SLC11A2: variants seen among roughly 807,000 people sequenced by gnomAD.
The protein encoded by SLC11A2 is natural resistance-associated macrophage protein 2.
A neutral mutation model predicts 68.0 loss-of-function variants in SLC11A2; 38 were observed. That is an observed-to-expected ratio of 0.56 (90% CI 0.43 to 0.73). The LOEUF (loss-of-function observed/expected upper bound fraction) is 0.73, where lower values mean the gene tolerates loss of function less well. SLC11A2 is among the 30% of genes least tolerant of loss of function. SLC11A2 has a pLI of 0.00. For missense variants in SLC11A2, 517 were observed against 690.5 expected, an observed-to-expected ratio of 0.75 and a Z score of 2.82; for synonymous variants, 242 against 250.6, an observed-to-expected ratio of 0.97 and a Z score of 0.32.
intron 14 of SLC11A2, 37 bp downstream of exon 14, chr12:50,991,562 C>G (rs752436666): frequency 6.5e-7 from 1 of 1,546,560 alleles, no homozygotes; most frequent in Non-Finnish European, 8.9e-7. Flanking sequence ...TTCCCCATAT[C>G]AGCATCCCCT....
At chr12:51,011,021 T>A (rs1943173870) in intron 1 of SLC11A2, among the ~76,000 whole-genome samples, 1 of 152,202 alleles carries the variant, frequency 6.6e-6, no homozygotes, top group Non-Finnish European at 1.5e-5. Flanking sequence ...TCTTTTAGAA[T>A]GTGTCTAGCA....
At position 50,986,778 on chromosome 12, in the gene SLC11A2, T is replaced by A; in HGVS notation, c.*1547A>T. The A allele has an allele frequency of 7.8e-7, 1 of 1,287,152 alleles. No individual in the cohort carries two copies. The highest frequency in any genetic ancestry group is 1.0e-6 in the Non-Finnish European group (1 of 988,680). 79.7% of individuals were successfully genotyped at this position (1,287,152 alleles called of 1,614,324 possible). On this transcript the variant is annotated 3_prime_UTR_variant, in exon 16 of 16. Transcript: ENST00000262052. ...ATTACTTGAGGGGCTAAGAAAAATG[T>A]ATGGTCAGTGAAACACAGTAGTGTA...
At chr12:50,956,954 C>A in the SLC11A2 span, among the ~76,000 whole-genome samples, 1 of 151,752 alleles carries the variant, frequency 6.6e-6, no homozygotes. Flanking sequence ...CAGGGTTTTA[C>A]CTGTTTCCTC....
chr12:51,009,403 A>G, intron 2 of SLC11A2: 2 of 777,180 alleles, frequency 2.6e-6, no homozygotes, highest in Non-Finnish European at 3.4e-6. Context: ...GAGAAAAGGG[A>G]TACCCTGCCA....
At chr12:50,989,414 C>T (rs992517314) in intron 15 of SLC11A2, among the ~76,000 whole-genome samples, 7 of 152,248 alleles carry the variant, frequency 4.6e-5, no homozygotes, top group African/African-American at 1.7e-4. Context: ...TCACTTGAAC[C>T]CAGGAGGCAG....
chr12:51,018,902 G>A (rs1295689308), intron 1 of SLC11A2, among the ~76,000 whole-genome samples: 1 of 152,174 alleles, frequency 6.6e-6, no homozygotes, highest in Non-Finnish European at 1.5e-5. Context: ...AAAATTAATT[G>A]TAGGTTTAGA....
downstream of SLC11A2, chr12:50,981,326 CTGATA>C (rs1035541441): frequency 2.6e-5 from 4 of 152,644 alleles, no homozygotes; most frequent in African/African-American, 9.7e-5. Flanking sequence ...AAACAAATAT[CTGATA>C]TATCAAAACA....
chr12:51,005,218 C>T (rs887336595), intron 4 of SLC11A2, 93 bp downstream of exon 4: 93 of 1,338,098 alleles, frequency 7.0e-5, no homozygotes, highest in Middle Eastern at 1.8e-4. Context: ...CTGCATGTAG[C>T]CCCTGAGGCT....
Position 50,986,489 on chromosome 12 carries a change from C to T in SLC11A2, c.*1836G>A, listed in dbSNP as rs975276787. On this transcript the variant is annotated 3_prime_UTR_variant, in exon 16 of 16. Coordinates refer to ENST00000262052, the MANE Select transcript of SLC11A2 (RefSeq NM_000617.3). ...ATACTAGCAGCTTTTACCTAGGCTC[C>T]TAAATGCTTGTAAATCTGAGACTGA... 3.4e-5 allele frequency: 44 copies of T among 1,285,642 alleles called. No individual in the cohort carries two copies. Among genetic ancestry groups the T allele is most frequent in the Admixed American group, 4.6e-5 (2 of 43,508 alleles). 79.6% of individuals were successfully genotyped at this position (1,285,642 alleles called of 1,614,324 possible).
In SLC11A2 at chr12:50,990,968, A is replaced by G. The variant is rs1941091267; in HGVS notation, c.1422-20T>C. The G allele has an allele frequency of 3.7e-6, 6 of 1,612,838 alleles. No homozygotes were observed. Among genetic ancestry groups the G allele is most frequent in the Non-Finnish European group, 4.2e-6 (5 of 1,178,850 alleles). On this transcript the variant is annotated intron_variant, in intron 14 of 15. Coordinates refer to ENST00000262052, the MANE Select transcript of SLC11A2 (RefSeq NM_000617.3). ...CAGCCTCTGTAAAAGAAATCAGCACAGTCACTGATGGAATAATCCAACTTG... is the reference window on the plus strand; with the variant it reads ...CAGCCTCTGTAAAAGAAATCAGCACGGTCACTGATGGAATAATCCAACTTG...
At chr12:51,005,733 A>G in intron 3 of SLC11A2, 2 of 1,278,958 alleles carry the variant, frequency 1.6e-6, no homozygotes, top group Non-Finnish European at 2.0e-6. Context: ...CCCAAAAAGG[A>G]CAAGAGCCAC....
At chr12:50,966,679 G>C in the SLC11A2 span, among the ~76,000 whole-genome samples, 1 of 152,176 alleles carries the variant, frequency 6.6e-6, no homozygotes, top group African/African-American at 2.4e-5. Flanking sequence ...GTCATTCTCA[G>C]ACAGGATGGA....
the SLC11A2 span, among the ~76,000 whole-genome samples, chr12:50,953,066 G>A: frequency 6.6e-6 from 1 of 152,078 alleles, no homozygotes; most frequent in Non-Finnish European, 1.5e-5. Flanking sequence ...TTCTAGCAGG[G>A]TGCTGGAAAT....
intron 3 of SLC11A2, chr12:51,005,913 G>C (rs1942680754): frequency 2.9e-6 from 1 of 341,232 alleles, no homozygotes; most frequent in Non-Finnish European, 5.7e-6. Context: ...TGAAAAACTA[G>C]TTCAGGCCAT....
chr12:51,007,119 T>C (rs960305851), intron 3 of SLC11A2, among the ~76,000 whole-genome samples: 1 of 152,158 alleles, frequency 6.6e-6, no homozygotes, highest in African/African-American at 2.4e-5. Flanking sequence ...CCACTTCAAG[T>C]TGTCCCACCT....
intron 15 of SLC11A2, 89 bp downstream of exon 15, chr12:50,990,706 A>G: frequency 7.2e-7 from 1 of 1,386,516 alleles, no homozygotes; most frequent in Admixed American, 1.7e-5. Flanking sequence ...CACTGTGCCC[A>G]GCCTGGGTCT....
intron 3 of SLC11A2, among the ~76,000 whole-genome samples, chr12:51,006,994 C>T (rs1026954018): frequency 3.3e-5 from 5 of 152,094 alleles, no homozygotes; most frequent in South Asian, 4.1e-4. Context: ...GCGATCCACC[C>T]GCCTCAGCCT....
downstream of SLC11A2, chr12:50,980,101 C>T (rs1939937429): frequency 2.7e-6 from 1 of 369,326 alleles, no homozygotes; most frequent in African/African-American, 2.1e-5. Context: ...TGGTGTGTGC[C>T]TGCAGTCCCA....
At chr12:50,979,753 G>A, downstream of SLC11A2, 1 of 424,650 alleles carries the variant, frequency 2.4e-6, no homozygotes, top group Non-Finnish European at 4.8e-6. Context: ...GCCTCTTTAA[G>A]GGCCGATTAT....
Sources: allele counts gnomAD v4.1 joint callset (sites outside exome capture counted in the v4.1 genomes callset), GRCh38; gene constraint gnomAD v4.1.1; transcripts MANE v1.5; gene names NCBI Gene and HGNC (gene_info 2026-07-23, HGNC 2026-07-21).